The following NAPSA variants were observed in gnomAD, a reference collection of about 807,000 sequenced individuals.
NAPSA encodes napsin A aspartic peptidase.
A neutral mutation model predicts 36.7 loss-of-function variants in NAPSA; 37 were observed. The observed-to-expected ratio is 1.01, with a 90% CI of 0.78 to 1.33. The LOEUF (loss-of-function observed/expected upper bound fraction) is 1.33. Ranked by LOEUF, NAPSA falls within the 40% of genes most tolerant of loss-of-function variation. NAPSA has a pLI of 0.00. For missense variants in NAPSA, 532 were observed against 543.8 expected, an observed-to-expected ratio of 0.98 and a Z score of 0.21; for synonymous variants, 222 against 234.5, an observed-to-expected ratio of 0.95 and a Z score of 0.49.
chr19:50,367,278 A>G (rs1012500484), upstream of NAPSA, among the ~76,000 whole-genome samples: 1 of 152,154 alleles, frequency 6.6e-6, no homozygotes, highest in Non-Finnish European at 1.5e-5. Context: ...CATGTTAGGT[A>G]TTTATTGTAG....
At chr19:50,359,403 A>G in intron 7 of NAPSA, 100 bp downstream of exon 7, 1 of 1,491,342 alleles carries the variant, frequency 6.7e-7, no homozygotes, top group South Asian at 1.2e-5. Context: ...TGCCCTGGAA[A>G]GCCCCTTAAA....
chr19:50,364,314 CA>C (rs56181758), intron 1 of NAPSA, among the ~76,000 whole-genome samples: 23,980 of 65,574 alleles, frequency 0.37, 2,224 homozygotes, highest in Admixed American at 0.41. Context: ...GACTCCGTCT[CA>C]AAAAAAAAAA....
intron 7 of NAPSA, 34 bp from the exon 8 acceptor site, chr19:50,359,143 A>C (rs764994909): frequency 1.3e-6 from 2 of 1,559,414 alleles, no homozygotes; most frequent in Non-Finnish European, 1.8e-6. Context: ...AAGATGAGAG[A>C]TTCCTGCTCT....
At position 50,358,522 on chromosome 19, in the gene NAPSA, C is replaced by A. The variant is rs750108671; in HGVS notation, c.*31G>T. On this transcript the variant is annotated 3_prime_UTR_variant, in exon 9 of 9. Coordinates refer to ENST00000253719, the MANE Select transcript of NAPSA (RefSeq NM_004851.3). ...TTACTGGGTAGCAGGACCTCCGCGA[C>A]CACCCGCTGCGCATGCGCTTCACTT... 12 of 1,529,944 alleles carry A rather than the reference C, an allele frequency of 7.8e-6. No homozygotes were observed. Among genetic ancestry groups the A allele is most frequent in the Admixed American group, 2.1e-5 (1 of 47,716 alleles). 94.8% of individuals were successfully genotyped at this position (1,529,944 alleles called of 1,614,324 possible).
upstream of NAPSA, among the ~76,000 whole-genome samples, chr19:50,368,738 A>G (rs879433365): frequency 1.4e-4 from 21 of 152,024 alleles, no homozygotes; most frequent in Non-Finnish European, 2.5e-4. Context: ...CAAATTCCCA[A>G]TTGGCCACAA....
chr19:50,360,595 A>C (rs2037458733), intron 5 of NAPSA, among the ~76,000 whole-genome samples: 4 of 152,022 alleles, frequency 2.6e-5, no homozygotes, highest in Admixed American at 1.3e-4. Flanking sequence ...ATTCTTTGTG[A>C]GGAAGAGAAA....
upstream of NAPSA, among the ~76,000 whole-genome samples, chr19:50,367,382 G>C (rs1219028147): frequency 7.2e-5 from 11 of 152,210 alleles, no homozygotes; most frequent in Non-Finnish European, 1.5e-4. Flanking sequence ...AGCCATGTCT[G>C]CATTAGGGGG....
chr19:50,363,102 G>A (rs1016975761), intron 1 of NAPSA, among the ~76,000 whole-genome samples: 3 of 152,118 alleles, frequency 2.0e-5, no homozygotes, highest in African/African-American at 7.2e-5. Context: ...CACCATGTGC[G>A]GTAATATCTT....
chr19:50,358,588 A>T lies in NAPSA; in HGVS notation c.1228T>A (p.Trp410Arg). 3 of 1,610,568 alleles carry T rather than the reference A, an allele frequency of 1.9e-6. No individual in the cohort carries two copies. The highest frequency in any genetic ancestry group is 2.5e-6 in the Non-Finnish European group (3 of 1,178,998). The stretch of plus-strand genomic sequence containing the variant: ...AACTGCGCCTGCGCAGTCTCTCCCC[A>T]TCCGAGGTCCGCTCCGCGAGTGCGA... ...RARTRGADLG[W>R]GETAQAQFPG The change falls in exon 9 of 9, where the codon TGG becomes AGG. Residue 410 changes from tryptophan to arginine, a missense_variant. By Grantham distance (101) the Trp-to-Arg change is moderately radical. This residue lies in a region of NAPSA where 385 missense variants were observed against 371.5 expected (regional missense o/e 1.04). Transcript: ENST00000253719.
intron 5 of NAPSA, among the ~76,000 whole-genome samples, chr19:50,360,683 T>G (rs1050597270): frequency 1.3e-5 from 2 of 152,168 alleles, no homozygotes; most frequent in African/African-American, 4.8e-5. Context: ...GAACTGATGG[T>G]GGGTTTCCTT....
At chr19:50,362,694 C>A in intron 1 of NAPSA, 1 of 161,400 alleles carries the variant, frequency 6.2e-6, no homozygotes, top group African/African-American at 2.4e-5. Flanking sequence ...TTTTCCCCAC[C>A]CTTGAGGAGA....
In NAPSA at chr19:50,358,675, A is replaced by G. The variant is rs773852201; in HGVS notation, c.1141T>C (p.Tyr381His). ...TCCCCGCGGTCGAAGACGGCCACAT[A>G]CGTCCCCAAGAAGACGTCACCGAGG... ...WILGDVFLGT[Y>H]VAVFDRGDMK... The change falls in exon 9 of 9, where the codon TAT becomes CAT. Residue 381 changes from tyrosine (Y) to histidine (H), a missense_variant. Physicochemically the swap from Tyr to His is moderately conservative, Grantham distance 83. Around this residue, in one of 3 missense-constraint regions of NAPSA, gnomAD observed 385 missense variants for 371.5 expected, o/e 1.04. Transcript: ENST00000253719. The G allele has an allele frequency of 5.0e-6, 8 of 1,613,188 alleles. No homozygotes were observed. In the African/African-American group the frequency reaches 1.1e-4, roughly 22 times the overall value.
At position 50,364,893 on chromosome 19, in the gene NAPSA, G is replaced by A. The variant is rs180903403; in HGVS notation, c.83+646C>T. 8.6e-3 allele frequency among the ~76,000 whole-genome samples: 1,304 copies of A among 150,936 alleles called. 13 individuals are homozygous for A. Among genetic ancestry groups the A allele is most frequent in the Non-Finnish European group, 0.012 (804 of 67,786 alleles). ...TGTAGTCCCAGCTACTTGGGAGGCT[G>A]AGGCAGGAGAATCACTTGAACCCGG... On this transcript the variant is annotated intron_variant, in intron 1 of 8. Transcript: ENST00000253719.
intron 4 of NAPSA, 50 bp from the exon 5 acceptor site, chr19:50,361,190 A>C: frequency 6.7e-7 from 1 of 1,501,344 alleles, no homozygotes; most frequent in Non-Finnish European, 9.2e-7. Context: ...GACAATAACC[A>C]CATGTCCTGA....
intron 4 of NAPSA, 200 bp downstream of exon 4, chr19:50,361,463 C>T: frequency 1.6e-6 from 1 of 611,024 alleles, no homozygotes; most frequent in African/African-American, 1.9e-5. Context: ...TTGAGAAGCC[C>T]CACCTCTTCA....
chr19:50,368,209 G>A (rs562552324), upstream of NAPSA, among the ~76,000 whole-genome samples: 135 of 151,926 alleles, frequency 8.9e-4, no homozygotes, highest in African/African-American at 3.1e-3. Context: ...GTGCGGTGGG[G>A]GTGCGTTTGG....
chr19:50,361,603 T>G, intron 4 of NAPSA, 60 bp downstream of exon 4: 32 of 1,431,890 alleles, frequency 2.2e-5, no homozygotes, highest in Non-Finnish European at 3.1e-5. Flanking sequence ...CTAAGCCAGA[T>G]GATCTTAGAC....
upstream of NAPSA, among the ~76,000 whole-genome samples, chr19:50,366,646 G>GTTATTTATTTATTTAT (rs56341915): frequency 6.9e-6 from 1 of 144,944 alleles, no homozygotes; most frequent in Non-Finnish European, 1.5e-5. Context: ...GCATTGATGA[G>GTTATTTATTTATTTAT]TTATTTATTT....
chr19:50,359,274 T>C, intron 7 of NAPSA, 165 bp from the exon 8 acceptor site: 1 of 827,968 alleles, frequency 1.2e-6, no homozygotes, highest in East Asian at 2.7e-5. Flanking sequence ...CAAGCAAACC[T>C]GCATGATCGT....
Sources: allele counts gnomAD v4.1 joint callset (sites outside exome capture counted in the v4.1 genomes callset), GRCh38; gene constraint gnomAD v4.1.1; regional missense constraint gnomAD v4.1.1; transcripts MANE v1.5; gene names NCBI Gene and HGNC (gene_info 2026-07-23, HGNC 2026-07-21).